MYOM2: variants seen among roughly 807,000 people sequenced by gnomAD.
MYOM2 encodes the protein myomesin 2.
MYOM2 carries 254 observed loss-of-function variants against 187.6 expected under a neutral mutation model. The ratio of observed to expected loss-of-function variants is 1.35; its 90% confidence interval spans 1.22 to 1.50. The LOEUF is 1.50. MYOM2 is among the 40% of genes most tolerant of loss of function. The probability of loss-of-function intolerance (pLI) is 0.00; values close to 1 mark genes in which losing one functional copy is unlikely to be tolerated. For synonymous variants in MYOM2, 981 were observed against 753.8 expected, an observed-to-expected ratio of 1.30 and a Z score of -4.94; for missense variants, 2,796 against 1,924.0, an observed-to-expected ratio of 1.45 and a Z score of -8.48.
intron 14 of MYOM2, among the ~76,000 whole-genome samples, chr8:2,087,372 A>G (rs558175893): frequency 1.2e-4 from 18 of 152,206 alleles, no homozygotes; most frequent in Non-Finnish European, 2.5e-4. Context: ...AGCATGGAGG[A>G]GGACCCTCTG....
intron 1 of MYOM2, among the ~76,000 whole-genome samples, chr8:2,049,245 C>A (rs1416195955): frequency 2.0e-5 from 3 of 152,138 alleles, no homozygotes; most frequent in African/African-American, 4.8e-5. Context: ...GTTAGTGTGG[C>A]AGTGTGAAAG....
intron 28 of MYOM2, among the ~76,000 whole-genome samples, chr8:2,121,622 G>C (rs181615206): frequency 6.6e-6 from 1 of 152,172 alleles, no homozygotes; most frequent in Admixed American, 6.5e-5. Context: ...TGGTGCAGAT[G>C]GTTATTTTAA....
chr8:2,135,255 TC>T (rs1798028373), intron 32 of MYOM2, among the ~76,000 whole-genome samples: 1 of 152,214 alleles, frequency 6.6e-6, no homozygotes, highest in East Asian at 1.9e-4. Flanking sequence ...TACAATTAAT[TC>T]CTTTCATCTT....
chr8:2,105,358 G>A (rs1796855040), intron 21 of MYOM2, among the ~76,000 whole-genome samples: 1 of 152,198 alleles, frequency 6.6e-6, no homozygotes, highest in Admixed American at 6.5e-5. Flanking sequence ...CAGAGGCTGA[G>A]ATGTGTCTCG....
At chr8:2,103,579 G>T (rs1374063347) in intron 21 of MYOM2, among the ~76,000 whole-genome samples, 1 of 150,904 alleles carries the variant, frequency 6.6e-6, no homozygotes, top group African/African-American at 2.4e-5. Context: ...GGGAGAGTGT[G>T]CATGTATTAT....
At chr8:2,094,417 G>A (rs1044368514) in intron 17 of MYOM2, among the ~76,000 whole-genome samples, 1 of 152,214 alleles carries the variant, frequency 6.6e-6, no homozygotes, top group East Asian at 1.9e-4. Flanking sequence ...ACTTTTGGAG[G>A]CCAAGGTGGC....
intron 6 of MYOM2, among the ~76,000 whole-genome samples, chr8:2,068,043 T>C (rs1316864226): frequency 6.6e-6 from 1 of 152,150 alleles, no homozygotes; most frequent in Non-Finnish European, 1.5e-5. Context: ...TTCGATGGGT[T>C]TTCGGTGGTT....
At chr8:2,137,549 G>C (rs1310473134) in intron 32 of MYOM2, among the ~76,000 whole-genome samples, 1 of 144,566 alleles carries the variant, frequency 6.9e-6, no homozygotes, top group Non-Finnish European at 1.5e-5. Flanking sequence ...ACATAGCCAA[G>C]TTGGCTGTGC....
At chr8:2,141,299 C>T (rs1179309159) in intron 34 of MYOM2, 122 bp downstream of exon 34, 3 of 767,346 alleles carry the variant, frequency 3.9e-6, no homozygotes, top group Non-Finnish European at 4.3e-6. Context: ...ATTCCTGGGA[C>T]AGAAGTGGGA....
chr8:2,073,309 T>C (rs770083612), intron 9 of MYOM2, 30 bp from the exon 10 acceptor site: 11 of 1,582,226 alleles, frequency 7.0e-6, no homozygotes, highest in Non-Finnish European at 9.5e-6. Context: ...TGATTTTGGA[T>C]GCAAACCTTC....
chr8:2,101,728 T>A (rs1436311630), intron 20 of MYOM2, among the ~76,000 whole-genome samples: 1 of 152,070 alleles, frequency 6.6e-6, no homozygotes, highest in African/African-American at 2.4e-5. Flanking sequence ...TGGTGCCTAT[T>A]GTATTATGTC....
At chr8:2,072,568 C>T in intron 9 of MYOM2, 59 bp downstream of exon 9, 1 of 1,550,854 alleles carries the variant, frequency 6.4e-7, no homozygotes, top group Admixed American at 1.9e-5. Flanking sequence ...ACGGAAATGT[C>T]CTTTAAATGT....
In MYOM2 at chr8:2,144,798, C is replaced by T. The variant is rs765031150; in HGVS notation, c.4215C>T (p.Ile1405=). The change falls in exon 37 of 37, where the codon ATC becomes ATT. Residue 1405 remains isoleucine (I), a synonymous_variant. Transcript: ENST00000262113. Reference sequence around the variant, plus strand: ...AGGCCAAGTACGTCAGCATGACCATCAAAGGCGTGACCTCCGAGGACTCGG... The same window carrying T: ...AGGCCAAGTACGTCAGCATGACCATTAAAGGCGTGACCTCCGAGGACTCGG... ...VEQAKYVSMT[I]KGVTSEDSGK... 1 of 1,614,196 alleles carries T rather than the reference C, an allele frequency of 6.2e-7. No homozygotes were observed. The highest frequency in any genetic ancestry group is 1.6e-4 in the Middle Eastern group (1 of 6,062).
In MYOM2 at chr8:2,106,179, C is replaced by T. The variant is rs540471381; in HGVS notation, c.2735-63C>T. The T allele has an allele frequency of 2.2e-5, 34 of 1,540,778 alleles. No individual in the cohort carries two copies. In the African/African-American group the frequency reaches 4.2e-4, roughly 19 times the overall value. On this transcript the variant is annotated intron_variant, in intron 21 of 36. Coordinates refer to ENST00000262113, the MANE Select transcript of MYOM2 (RefSeq NM_003970.4). ...CGGAGCCAAACCATATCACCCTCTC[C>T]CAAAAGAGAGTTGAAAGAACACCGT...
chr8:2,051,223 G>C (rs1311827330), intron 2 of MYOM2, among the ~76,000 whole-genome samples: 2 of 152,228 alleles, frequency 1.3e-5, no homozygotes, highest in Non-Finnish European at 2.9e-5. Context: ...TGGTGGGAAA[G>C]GCTGTCGGTA....
intron 6 of MYOM2, among the ~76,000 whole-genome samples, chr8:2,067,663 C>G (rs1162683480): frequency 6.6e-6 from 1 of 152,144 alleles, no homozygotes; most frequent in Non-Finnish European, 1.5e-5. Context: ...GAAGTTTTAG[C>G]TTTAGTACCA....
intron 32 of MYOM2, among the ~76,000 whole-genome samples, chr8:2,139,732 C>T (rs1007050350): frequency 1.3e-5 from 2 of 152,134 alleles, no homozygotes; most frequent in African/African-American, 4.8e-5. Context: ...TTTTCATGCA[C>T]CTGTGACTAT....
chr8:2,080,826 A>C (rs534610070), intron 13 of MYOM2, among the ~76,000 whole-genome samples: 2 of 143,902 alleles, frequency 1.4e-5, no homozygotes, highest in Non-Finnish European at 2.9e-5. Context: ...CTCCGGGAGG[A>C]ACAGGCAGCC....
Position 2,052,177 on chromosome 8 carries a change from T to A in MYOM2, c.127T>A (p.Ser43Thr), listed in dbSNP as rs1818512569. ...CTGAAGGCGAGCTTCCACCCAGGCA[T>A]CTTCCCAGAAGTCCTTGAGTCAGCG... Reference protein sequence around the residue: ...ASKKRASTQASSQKSLSQRSS... With the variant: ...ASKKRASTQATSQKSLSQRSS... The change falls in exon 3 of 37, where the codon TCT (serine) becomes ACT (threonine). Residue 43 changes from serine (S) to threonine (T), a missense_variant. Transcript: ENST00000262113. 1.2e-6 allele frequency: 2 copies of A among 1,613,440 alleles called. No homozygotes were observed. The highest frequency in any genetic ancestry group is 1.7e-6 in the Non-Finnish European group (2 of 1,179,746).
Sources: gnomAD v4.1 joint callset for allele counts (sites outside exome capture counted in the v4.1 genomes callset) on GRCh38, gnomAD v4.1.1 for gene constraint, MANE v1.5 for transcripts, NCBI Gene and HGNC (gene_info 2026-07-23, HGNC 2026-07-21) for gene names.